The following MYO5B variants were observed in gnomAD, a reference collection of about 807,000 sequenced individuals.
MYO5B encodes unconventional myosin-Vb.
MYO5B carries 143 observed loss-of-function variants against 229.3 expected under a neutral mutation model. That is an observed-to-expected ratio of 0.62 (90% CI 0.54 to 0.72). The LOEUF (loss-of-function observed/expected upper bound fraction) is 0.72, where lower values mean the gene tolerates loss of function less well. Ranked by LOEUF, MYO5B falls within the 30% of genes least tolerant of loss-of-function variation. The pLI, the probability that MYO5B is intolerant of heterozygous loss-of-function variation, is 0.00. For missense variants in MYO5B, 2,321 were observed against 2,331.0 expected (o/e 1.00, Z 0.09); for synonymous variants, 918 against 885.2 (o/e 1.04, Z -0.66).
At chr18:49,911,720 A>G (rs1466048095) in intron 18 of MYO5B, among the ~76,000 whole-genome samples, 1 of 152,214 alleles carries the variant, frequency 6.6e-6, no homozygotes, top group Non-Finnish European at 1.5e-5. Context: ...CTGAACTGGC[A>G]GAGCAGAATA....
intron 24 of MYO5B, 93 bp from the exon 25 acceptor site, chr18:49,877,975 C>A: frequency 1.3e-6 from 2 of 1,483,582 alleles, no homozygotes; most frequent in Non-Finnish European, 1.9e-6. Flanking sequence ...TATCCTTCTG[C>A]CTAATTTGTC....
At chr18:49,989,935 G>GCC (rs752110197) in intron 7 of MYO5B, among the ~76,000 whole-genome samples, 46 of 152,250 alleles carry the variant, frequency 3.0e-4, no homozygotes, top group Non-Finnish European at 5.1e-4. Flanking sequence ...ACATGCCAGA[G>GCC]CCCCCTCTTA....
intron 15 of MYO5B, 119 bp downstream of exon 15, chr18:49,937,126 G>A (rs1230308648): frequency 6.6e-6 from 8 of 1,214,464 alleles, no homozygotes; most frequent in Non-Finnish European, 9.7e-6. Context: ...GGATGGCTGA[G>A]GCTACTGATG....
chr18:49,970,950 A>T (rs1299757074), intron 10 of MYO5B: 8 of 152,096 alleles, frequency 5.3e-5, no homozygotes. Flanking sequence ...CACTTTTGCC[A>T]CTCTTGCTCA....
At chr18:50,001,647 G>A (rs770098285) in intron 4 of MYO5B, among the ~76,000 whole-genome samples, 1 of 152,174 alleles carries the variant, frequency 6.6e-6, no homozygotes, top group African/African-American at 2.4e-5. Context: ...GGCCTAGAGC[G>A]AGAGTGGTGC....
intron 1 of MYO5B, among the ~76,000 whole-genome samples, chr18:50,089,356 C>A (rs550351247): frequency 6.6e-6 from 1 of 151,796 alleles, no homozygotes; most frequent in Non-Finnish European, 1.5e-5. Context: ...CTGGCCTGGG[C>A]GACAGAGCAA....
At chr18:49,968,316 G>A (rs1480590756) in intron 10 of MYO5B, among the ~76,000 whole-genome samples, 2 of 152,182 alleles carry the variant, frequency 1.3e-5, no homozygotes, top group Non-Finnish European at 2.9e-5. Context: ...ACCAGTTACA[G>A]GGAGAAGGCC....
rs2276174 is a variant in MYO5B, at chr18:49,877,784, C to T, written c.3375G>A (p.Glu1125=). 446 of 1,614,120 alleles carry T rather than the reference C, an allele frequency of 2.8e-4. 4 individuals are homozygous for T. In the East Asian group the frequency reaches 8.6e-3, roughly 31 times the overall value. Residue 1125 remains glutamate, a synonymous_variant, in exon 25 of 40, where the codon GAG becomes GAA. Transcript: ENST00000285039. The stretch of plus-strand genomic sequence containing the variant: ...TCACCTCCACCTGCTGGAGGGCATC[C>T]TCAGTGTCTCCGATCTCAGATGTGG... ...SISTSEIGDT[E]DALQQVEEIG...
intron 10 of MYO5B, 54 bp downstream of exon 10, chr18:49,974,296 G>A (rs985146697): frequency 5.3e-5 from 86 of 1,612,024 alleles, no homozygotes; most frequent in East Asian, 4.5e-4. Context: ...TGTAAAGTAT[G>A]AGCAGGAAGC....
rs904997673 is a variant in MYO5B, at chr18:50,094,459, A to G, written c.28-39081T>C. Among the ~76,000 whole-genome samples the G allele has an allele frequency of 5.4e-5, 8 of 147,930 alleles. No homozygotes were observed. The East Asian group carries it at 1.2e-3, about 23-fold the overall frequency. ...GTTCTCCCAGTTTTCTTAAGTACTG[A>G]GTTTTTTTTTGTAGTTGGAAAGAAT... On this transcript the variant is annotated intron_variant, in intron 1 of 39. Transcript: ENST00000285039.
intron 29 of MYO5B, among the ~76,000 whole-genome samples, chr18:49,859,316 A>G (rs568567744): frequency 2.0e-5 from 3 of 152,358 alleles, no homozygotes; most frequent in African/African-American, 7.2e-5. Flanking sequence ...AAAAAGCCAG[A>G]CAAGGCCTAG....
chr18:49,920,874 C>T (rs2025066374), intron 17 of MYO5B, among the ~76,000 whole-genome samples: 1 of 152,154 alleles, frequency 6.6e-6, no homozygotes, highest in Non-Finnish European at 1.5e-5. Flanking sequence ...GACGTGCAGC[C>T]ATGCGTGAAA....
intron 15 of MYO5B, 149 bp downstream of exon 15, chr18:49,937,096 T>A: frequency 1.0e-6 from 1 of 968,626 alleles, no homozygotes; most frequent in Non-Finnish European, 1.6e-6. Flanking sequence ...TTCCTTCTTC[T>A]AAGGACACAA....
intron 10 of MYO5B, among the ~76,000 whole-genome samples, chr18:49,966,690 A>G (rs1421756388): frequency 5.3e-5 from 8 of 152,244 alleles, no homozygotes; most frequent in Admixed American, 5.2e-4. Flanking sequence ...AAAGGTTTAC[A>G]CTGGTAGCAC....
At chr18:50,150,548 T>C (rs865838455) in intron 1 of MYO5B, among the ~76,000 whole-genome samples, 11 of 150,528 alleles carry the variant, frequency 7.3e-5, no homozygotes, top group South Asian at 4.3e-4. Context: ...ATGGATGAAA[T>C]TGGAAATCAT....
At chr18:49,970,063 A>C (rs146945427) in intron 10 of MYO5B, 1 of 152,368 alleles carries the variant, frequency 6.6e-6, no homozygotes, top group East Asian at 1.9e-4. Context: ...GATAGGAACA[A>C]AGGATTAGAG....
At chr18:49,847,425 T>G in intron 32 of MYO5B, 136 bp from the exon 33 acceptor site, 2 of 1,113,064 alleles carry the variant, frequency 1.8e-6, no homozygotes, top group African/African-American at 3.1e-5. Flanking sequence ...GGATGGCACC[T>G]GGGGCAGGGG....
intron 27 of MYO5B, among the ~76,000 whole-genome samples, chr18:49,866,080 A>G (rs1489284789): frequency 1.3e-5 from 2 of 152,218 alleles, no homozygotes; most frequent in East Asian, 1.9e-4. Context: ...ACCTATTTTT[A>G]TTTTTTGAGA....
At chr18:49,985,572 A>G (rs1045192175) in intron 7 of MYO5B, among the ~76,000 whole-genome samples, 3 of 152,246 alleles carry the variant, frequency 2.0e-5, no homozygotes. Flanking sequence ...ATTTAAGGCA[A>G]CAATTGCATG....
Sources: allele counts gnomAD v4.1 joint callset (sites outside exome capture counted in the v4.1 genomes callset), GRCh38; gene constraint gnomAD v4.1.1; transcripts MANE v1.5; gene names NCBI Gene and HGNC (gene_info 2026-07-23, HGNC 2026-07-21).